Variants in EPG5 observed in about 807,000 individuals in gnomAD.
The protein encoded by EPG5 is ectopic P-granules 5 autophagy tethering factor.
A neutral mutation model predicts 302.7 loss-of-function variants in EPG5; 159 were observed. That is an observed-to-expected ratio of 0.53 (90% CI 0.46 to 0.60). The LOEUF is 0.60. EPG5 is among the 20% of genes least tolerant of loss of function. The pLI is 0.00. For synonymous variants in EPG5, 1,158 were observed against 1,136.8 expected, an observed-to-expected ratio of 1.02 and a Z score of -0.37; for missense variants, 2,896 against 3,092.4, an observed-to-expected ratio of 0.94 and a Z score of 1.51.
intron 27 of EPG5, among the ~76,000 whole-genome samples, chr18:45,898,889 G>A (rs1031272055): frequency 1.3e-5 from 2 of 152,336 alleles, no homozygotes; most frequent in Admixed American, 1.3e-4. Context: ...CACTTTGGGA[G>A]GCCGAGGCGG....
At chr18:45,821,105 G>T in the EPG5 span, among the ~76,000 whole-genome samples, 1 of 152,194 alleles carries the variant, frequency 6.6e-6, no homozygotes, top group Non-Finnish European at 1.5e-5. Flanking sequence ...ATAGACTCAC[G>T]GATGTGAAAA....
Position 45,967,137 on chromosome 18 carries a change from C to G in EPG5, c.63+40G>C, listed in dbSNP as rs2051283104. On this transcript the variant is annotated intron_variant, in intron 1 of 43. Coordinates refer to ENST00000282041, the MANE Select transcript of EPG5 (RefSeq NM_020964.3). Reference sequence around the variant, plus strand: ...CGAAGAGAGGAGCAAGGAGACACAGCACACTGCCAGAGCCTCGGGAGGGTG... The same window carrying G: ...CGAAGAGAGGAGCAAGGAGACACAGGACACTGCCAGAGCCTCGGGAGGGTG... 5 of 1,546,392 alleles carry G rather than the reference C, an allele frequency of 3.2e-6. No individual in the cohort carries two copies. The African/African-American group carries it at 5.9e-5, about 18-fold the overall frequency.
In EPG5 at chr18:45,916,540, A is replaced by ACCG; in HGVS notation, c.3279_3281dup (p.Gly1094dup). ...CCTGTTGTGTGACACCCTGAGGGAC[A>ACCG]CCGCTGTCCAAGTGTAGGAACAAGA... On this transcript the variant is annotated inframe_insertion, in exon 18 of 44. Transcript: ENST00000282041. 1 of 1,611,116 alleles carries ACCG rather than the reference A, an allele frequency of 6.2e-7. No individual in the cohort carries two copies.
At chr18:45,835,088 A>G in the EPG5 span, among the ~76,000 whole-genome samples, 2 of 152,144 alleles carry the variant, frequency 1.3e-5, no homozygotes, top group Non-Finnish European at 2.9e-5. Context: ...GAAAAAAAAA[A>G]GGAGATTAGG....
rs752316096 is a variant in EPG5, at chr18:45,904,103, C to T, written c.4344G>A (p.Glu1448=). The part of the protein sequence containing the change: ...VMQNQQDLWM[E]YLNMERIYHE... ...GATAGATGCGCTCCATGTTCAAATA[C>T]TCCATCCACAGATCCTGAAACAGAA... Residue 1448 remains glutamate (E), a synonymous_variant, in exon 25 of 44, where the codon GAG becomes GAA. Transcript: ENST00000282041. 6.2e-7 allele frequency: 1 copy of T among 1,611,452 alleles called. No individual in the cohort carries two copies. Among genetic ancestry groups the T allele is most frequent in the Non-Finnish European group, 8.5e-7 (1 of 1,179,524 alleles).
Position 45,922,556 on chromosome 18 carries a change from C to T in EPG5, c.2883G>A (p.Glu961=). The change falls in exon 16 of 44, where the codon GAG becomes GAA. Residue 961 remains glutamate (E), a synonymous_variant. Transcript: ENST00000282041. ...TCCAGGCCCATTGGTTAAATGAGGT[C>T]TCGGGTGTCTCTCCATATCGAACAA... is the stretch of plus-strand genomic sequence containing the variant. ...ASIVRYGETP[E]TSFNQWAWNL... is the part of the protein sequence containing the mutation. The T allele has an allele frequency of 7.4e-6, 12 of 1,614,178 alleles. No individual in the cohort carries two copies. Among genetic ancestry groups the T allele is most frequent in the Non-Finnish European group, 9.3e-6 (11 of 1,180,038 alleles).
chr18:45,865,566 C>G (rs774593601), intron 39 of EPG5, 49 bp downstream of exon 39: 1 of 1,595,342 alleles, frequency 6.3e-7, no homozygotes, highest in East Asian at 2.2e-5. Context: ...TTACGCACAG[C>G]AGGAATGCAT....
At chr18:45,933,997 G>A (rs1381841924) in intron 11 of EPG5, among the ~76,000 whole-genome samples, 2 of 151,938 alleles carry the variant, frequency 1.3e-5, no homozygotes, top group Non-Finnish European at 2.9e-5. Context: ...TTTGTTATAA[G>A]TAAATATCCT....
intron 22 of EPG5, 78 bp from the exon 23 acceptor site, chr18:45,910,820 T>C: frequency 9.0e-7 from 1 of 1,109,674 alleles, no homozygotes; most frequent in Non-Finnish European, 1.3e-6. Context: ...AGCAGTTAAT[T>C]AGCAAGGCAA....
chr18:45,894,225 C>T (rs1010792422), intron 27 of EPG5, among the ~76,000 whole-genome samples: 34 of 152,008 alleles, frequency 2.2e-4, no homozygotes, highest in African/African-American at 7.5e-4. Context: ...TTTGGGAGGC[C>T]GAGATGGGTG....
chr18:45,825,166 G>A, the EPG5 span, among the ~76,000 whole-genome samples: 1 of 130,502 alleles, frequency 7.7e-6, no homozygotes, highest in African/African-American at 2.7e-5. Context: ...AAGGGAGGGA[G>A]GGAGGGAGGA....
intron 16 of EPG5, 21 bp from the exon 17 acceptor site, chr18:45,917,840 A>C: frequency 6.2e-7 from 1 of 1,613,580 alleles, no homozygotes. Flanking sequence ...AGAGAAAGGC[A>C]CTGAATACAC....
chr18:45,870,818 TAA>T, intron 35 of EPG5, 76 bp from the exon 36 acceptor site: 1 of 1,238,302 alleles, frequency 8.1e-7, no homozygotes, highest in Non-Finnish European at 1.1e-6. Context: ...AAATTTGAAC[TAA>T]AAGTCTAAAA....
At chr18:45,952,764 G>C (rs188102283) in intron 2 of EPG5, 121 bp from the exon 3 acceptor site, 2 of 1,026,352 alleles carry the variant, frequency 1.9e-6, no homozygotes, top group African/African-American at 3.2e-5. Flanking sequence ...TAATCATGGT[G>C]AGGAGACATA....
At chr18:45,828,252 G>A in the EPG5 span, among the ~76,000 whole-genome samples, 3 of 152,176 alleles carry the variant, frequency 2.0e-5, no homozygotes. Flanking sequence ...CCCTTGGTGA[G>A]AGAAAAGTGG....
At chr18:45,909,487 T>A (rs1010914041) in intron 23 of EPG5, among the ~76,000 whole-genome samples, 56 of 152,120 alleles carry the variant, frequency 3.7e-4, no homozygotes, top group African/African-American at 8.2e-4. Flanking sequence ...CTAGATGAAA[T>A]GGGGACCTCA....
chr18:45,844,322 T>C (rs961990663), downstream of EPG5, among the ~76,000 whole-genome samples: 1 of 152,060 alleles, frequency 6.6e-6, no homozygotes, highest in African/African-American at 2.4e-5. Flanking sequence ...AAAATACTGT[T>C]AGAACGAATA....
the EPG5 span, chr18:45,838,588 G>A: frequency 8.0e-7 from 1 of 1,256,646 alleles, no homozygotes; most frequent in Non-Finnish European, 1.1e-6. Flanking sequence ...ATCTGTATTG[G>A]GACGGGGGCA....
intron 27 of EPG5, among the ~76,000 whole-genome samples, chr18:45,892,458 G>C (rs1244578568): frequency 2.8e-4 from 43 of 152,200 alleles, no homozygotes; most frequent in Non-Finnish European, 2.9e-5. Flanking sequence ...GTTGGACAAA[G>C]CATGTCCTTC....
Sources: allele counts gnomAD v4.1 joint callset (sites outside exome capture counted in the v4.1 genomes callset), GRCh38; gene constraint gnomAD v4.1.1; transcripts MANE v1.5; gene names NCBI Gene and HGNC (gene_info 2026-07-23, HGNC 2026-07-21).